The following ZNF536 variants were observed in gnomAD, a reference collection of about 807,000 sequenced individuals.
ZNF536 encodes zinc finger protein 536.
A neutral mutation model predicts 84.5 loss-of-function variants in ZNF536; 13 were observed. That is an observed-to-expected ratio of 0.15 (90% CI 0.10 to 0.24). ZNF536 has a LOEUF of 0.24. Among genes scored for constraint, ZNF536 ranks in the 10% least tolerant of loss-of-function variants. The pLI, the probability that ZNF536 is intolerant of heterozygous loss-of-function variation, is 1.00. For synonymous variants in ZNF536, 811 were observed against 742.5 expected, an observed-to-expected ratio of 1.09 and a Z score of -1.50; for missense variants, 1,536 against 1,747.5, an observed-to-expected ratio of 0.88 and a Z score of 2.16.
intron 2 of ZNF536, among the ~76,000 whole-genome samples, chr19:30,505,275 T>C (rs2055123849): frequency 6.8e-6 from 1 of 147,742 alleles, no homozygotes; most frequent in Non-Finnish European, 1.5e-5. Context: ...ACATATTATA[T>C]ACTAATAAAT....
At chr19:30,481,420 G>C (rs1323822296) in intron 2 of ZNF536, among the ~76,000 whole-genome samples, 1 of 152,134 alleles carries the variant, frequency 6.6e-6, no homozygotes, top group Non-Finnish European at 1.5e-5. Context: ...ACACGTTTGA[G>C]AGCATCCTCA....
intron 1 of ZNF536, among the ~76,000 whole-genome samples, chr19:30,572,869 A>C (rs907981841): frequency 1.3e-5 from 2 of 152,202 alleles, no homozygotes; most frequent in Non-Finnish European, 2.9e-5. Flanking sequence ...CATGTATCAC[A>C]TGGATAGAGA....
intron 1 of ZNF536, among the ~76,000 whole-genome samples, chr19:30,635,512 C>T (rs180814282): frequency 9.8e-4 from 149 of 152,306 alleles, no homozygotes; most frequent in African/African-American, 3.3e-3. Flanking sequence ...TTGTCCCACC[C>T]TGTGCGGATC....
intron 1 of ZNF536, among the ~76,000 whole-genome samples, chr19:30,709,034 A>G (rs2052356851): frequency 6.6e-6 from 1 of 152,078 alleles, no homozygotes; most frequent in Admixed American, 6.5e-5. Flanking sequence ...ACGGCTCATC[A>G]ACAGCTTCCC....
At chr19:30,660,378 G>A (rs1408889859) in intron 1 of ZNF536, among the ~76,000 whole-genome samples, 1 of 152,126 alleles carries the variant, frequency 6.6e-6, no homozygotes, top group Non-Finnish European at 1.5e-5. Flanking sequence ...GGGAAATGCT[G>A]TTGACACCCC....
chr19:30,540,314 C>T (rs899886695), intron 3 of ZNF536, among the ~76,000 whole-genome samples: 2 of 152,120 alleles, frequency 1.3e-5, no homozygotes, highest in Non-Finnish European at 2.9e-5. Flanking sequence ...TCCCTTGCAG[C>T]CCCCAAAGGG....
chr19:30,407,813 C>T (rs1360747821), intron 1 of ZNF536, among the ~76,000 whole-genome samples: 1 of 152,334 alleles, frequency 6.6e-6, no homozygotes, highest in East Asian at 1.9e-4. Context: ...AAAACAATTG[C>T]ATGACTCTAC....
At chr19:30,584,498 ACT>A (rs1319771935) in intron 1 of ZNF536, among the ~76,000 whole-genome samples, 2 of 151,882 alleles carry the variant, frequency 1.3e-5, no homozygotes, top group Admixed American at 1.3e-4. Flanking sequence ...AAAGTGTGTG[ACT>A]CTCTCTCCAC....
At chr19:30,580,384 A>C (rs1005316342) in intron 1 of ZNF536, among the ~76,000 whole-genome samples, 2 of 152,202 alleles carry the variant, frequency 1.3e-5, no homozygotes, top group African/African-American at 4.8e-5. Flanking sequence ...GTGTCTTTCA[A>C]GGCACTGGCA....
At chr19:30,392,912 G>A (rs2049658475) in intron 1 of ZNF536, among the ~76,000 whole-genome samples, 1 of 152,146 alleles carries the variant, frequency 6.6e-6, no homozygotes, top group Admixed American at 6.5e-5. Flanking sequence ...CCACTGCTGT[G>A]GATCTGTAGG....
At chr19:30,612,486 A>T (rs1189147771) in intron 1 of ZNF536, among the ~76,000 whole-genome samples, 1 of 152,154 alleles carries the variant, frequency 6.6e-6, no homozygotes, top group African/African-American at 2.4e-5. Flanking sequence ...CCATGGAGAG[A>T]GGAAAACACG....
intron 1 of ZNF536, among the ~76,000 whole-genome samples, chr19:30,569,493 C>G (rs1179342553): frequency 6.8e-6 from 1 of 146,192 alleles, no homozygotes; most frequent in Non-Finnish European, 1.5e-5. Flanking sequence ...CACTCAGTCT[C>G]TGGGTTAGGT....
chr19:30,234,754 C>G (rs1213543830), intron 1 of ZNF536, among the ~76,000 whole-genome samples: 1 of 148,688 alleles, frequency 6.7e-6, no homozygotes, highest in South Asian at 2.1e-4. Context: ...TACACACACA[C>G]ACACACACAC....
chr19:30,711,991 TAA>T (rs1275735295), exon 2 of ZNF536: 1 of 152,200 alleles, frequency 6.6e-6, no homozygotes, highest in Non-Finnish European at 1.5e-5. Context: ...TTGGTTTTTA[TAA>T]GTGTCACAGA....
chr19:30,296,781 C>G (rs2046009689), intron 2 of ZNF536, among the ~76,000 whole-genome samples: 1 of 152,162 alleles, frequency 6.6e-6, no homozygotes, highest in African/African-American at 2.4e-5. Flanking sequence ...AAGGGAGGCA[C>G]AGATGGGTGT....
Position 30,521,471 on chromosome 19 carries a change from T to C in ZNF536, c.2171-13376T>C, listed in dbSNP as rs146769755. Among the ~76,000 whole-genome samples the C allele has an allele frequency of 2.0e-3, 303 of 152,300 alleles. 1 individual carries two copies. Among genetic ancestry groups the C allele is most frequent in the African/African-American group, 6.7e-3 (278 of 41,558 alleles). On this transcript the variant is annotated intron_variant, in intron 2 of 4. Transcript: ENST00000355537. ...ATTCCCAGACTTTGGGAAGTTCCCA[T>C]TGAGAATTTGCCAGACTTGTTATTT...
intron 1 of ZNF536, among the ~76,000 whole-genome samples, chr19:30,649,750 A>G (rs979480594): frequency 1.3e-5 from 2 of 152,156 alleles, no homozygotes; most frequent in African/African-American, 4.8e-5. Flanking sequence ...ACCTAGTGAC[A>G]GGGGCAAAGT....
At chr19:30,630,369 C>T (rs189869351) in intron 1 of ZNF536, among the ~76,000 whole-genome samples, 1 of 151,948 alleles carries the variant, frequency 6.6e-6, no homozygotes, top group Non-Finnish European at 1.5e-5. Context: ...GTAAATAAAG[C>T]AACCCAATCC....
At chr19:30,698,030 G>T (rs769369526) in intron 1 of ZNF536, among the ~76,000 whole-genome samples, 1 of 152,192 alleles carries the variant, frequency 6.6e-6, no homozygotes, top group Non-Finnish European at 1.5e-5. Context: ...GGTGCTTCAC[G>T]CCTGTAATCC....
Sources: allele counts gnomAD v4.1 joint callset (sites outside exome capture counted in the v4.1 genomes callset), GRCh38; gene constraint gnomAD v4.1.1; transcripts MANE v1.5; gene names NCBI Gene and HGNC (gene_info 2026-07-23, HGNC 2026-07-21).